The following JAM3 variants were observed in gnomAD, a reference collection of about 807,000 sequenced individuals.
The protein encoded by JAM3 is junctional adhesion molecule C.
In JAM3, 31 loss-of-function variants were observed where a neutral mutation model predicts 39.4. That is an observed-to-expected ratio of 0.79 (90% CI 0.59 to 1.06). JAM3 has a LOEUF of 1.06. Ranked by LOEUF, JAM3 falls within the 50% of genes least tolerant of loss-of-function variation. The pLI, the probability that JAM3 is intolerant of heterozygous loss-of-function variation, is 0.00. For synonymous variants in JAM3, 182 were observed against 148.7 expected (o/e 1.22, Z -1.63); for missense variants, 455 against 391.4 (o/e 1.16, Z -1.37).
chr11:134,096,762 A>C (rs780874464), intron 1 of JAM3, among the ~76,000 whole-genome samples: 4 of 152,194 alleles, frequency 2.6e-5, no homozygotes, highest in African/African-American at 7.2e-5. Flanking sequence ...TCAGTTAATG[A>C]GTAATGAACA....
chr11:134,069,124 G>T lies in JAM3; in HGVS notation c.41G>T (p.Arg14Leu). 4 of 1,612,770 alleles carry T rather than the reference G, an allele frequency of 2.5e-6. No individual in the cohort carries two copies. The Admixed American group carries it at 6.7e-5, about 27-fold the overall frequency. ...RRPPRLRLCA[R>L]LPDFFLLLLF... ...CCACCGCGACTCCGGCTCTGCGCTC[G>T]GCTGCCTGACTTCTTCCTGCTGCTG... is the stretch of plus-strand genomic sequence containing the variant. Residue 14 changes from arginine to leucine, a missense_variant, in exon 1 of 9, where the codon CGG becomes CTG. Physicochemically the swap from Arg to Leu is moderately radical, Grantham distance 102. Transcript: ENST00000299106.
intron 1 of JAM3, among the ~76,000 whole-genome samples, chr11:134,084,439 C>G (rs1290649622): frequency 1.3e-5 from 2 of 152,164 alleles, no homozygotes; most frequent in Non-Finnish European, 2.9e-5. Context: ...TTACAAAATA[C>G]TGACTATATA....
rs551156218 is a variant in JAM3 at position 134,135,412 on chromosome 11, T to A, written c.77-4439T>A. On this transcript the variant is annotated intron_variant, in intron 1 of 8. Transcript: ENST00000299106. ...TGCTGTGGGGGGACCCCACACTGTT[T>A]TGATCATCTAGCTTTGTAATAAGTT... is the stretch of plus-strand genomic sequence containing the variant. 2.2e-4 allele frequency among the ~76,000 whole-genome samples: 33 copies of A among 152,344 alleles called. No individual in the cohort carries two copies. In the South Asian group the frequency reaches 6.8e-3, roughly 32 times the overall value.
chr11:134,139,906 G>T lies in JAM3; in HGVS notation c.132G>T (p.Gln44His). Residue 44 changes from glutamine to histidine, a missense_variant, in exon 2 of 9, where the codon CAG becomes CAT. Physicochemically the swap from Gln to His is conservative, Grantham distance 24. Coordinates refer to ENST00000299106, the MANE Select transcript of JAM3 (RefSeq NM_032801.5). ...CCAGCAATCGAACCCCAGTGGTACA[G>T]GAATTTGAAAGTAAGTACAAACGAA... ...LKSSNRTPVV[Q>H]EFESVELSCI... is the part of the protein sequence containing the mutation. The T allele has an allele frequency of 6.2e-7, 1 of 1,613,578 alleles. No individual in the cohort carries two copies. Among genetic ancestry groups the T allele is most frequent in the Non-Finnish European group, 8.5e-7 (1 of 1,179,498 alleles).
rs1320707946 is a variant in JAM3 at position 134,144,349 on chromosome 11, ACCG to A, written c.367_369del (p.Arg123del). On this transcript the variant is annotated inframe_deletion, in exon 4 of 9. Coordinates refer to ENST00000299106, the MANE Select transcript of JAM3 (RefSeq NM_032801.5). Reference sequence around the variant, plus strand: ...CGCTGTGAGGTCGTTGCTCGAAATGACCGCAAGGAAATTGATGAGATTGTGATC... The same window carrying A: ...CGCTGTGAGGTCGTTGCTCGAAATGACAAGGAAATTGATGAGATTGTGATC... The A allele has an allele frequency of 6.2e-7, 1 of 1,614,236 alleles. No homozygotes were observed. The highest frequency in any genetic ancestry group is 1.7e-5 in the Admixed American group (1 of 60,020).
At chr11:134,100,034 G>T (rs1207290863) in intron 1 of JAM3, among the ~76,000 whole-genome samples, 1 of 152,090 alleles carries the variant, frequency 6.6e-6, no homozygotes, top group Admixed American at 6.6e-5. Flanking sequence ...TTTAATGTTA[G>T]ACCTCTCCTT....
intron 1 of JAM3, among the ~76,000 whole-genome samples, chr11:134,096,878 CCAAATCTAG>C (rs1474517988): frequency 2.0e-5 from 3 of 152,138 alleles, no homozygotes; most frequent in African/African-American, 7.2e-5. Context: ...TCATAATTCA[CCAAATCTAG>C]CAAATCTAGT....
At chr11:134,127,703 A>T (rs999069894) in intron 1 of JAM3, among the ~76,000 whole-genome samples, 10 of 152,218 alleles carry the variant, frequency 6.6e-5, no homozygotes, top group African/African-American at 2.4e-4. Context: ...CGATTTCAAA[A>T]CAAAATAAAA....
At chr11:134,148,142 C>A (rs1409417796) in intron 6 of JAM3, 1 of 249,272 alleles carries the variant, frequency 4.0e-6, no homozygotes, top group African/African-American at 2.3e-5. Context: ...TTCCCCGCAG[C>A]AATCTGCAAC....
At chr11:134,109,324 AAAAG>A (rs1246693103) in intron 1 of JAM3, among the ~76,000 whole-genome samples, 1 of 152,218 alleles carries the variant, frequency 6.6e-6, no homozygotes. Context: ...AGGGATGAAA[AAAAG>A]AACTTAAAAA....
chr11:134,146,446 G>A (rs1319679864), intron 6 of JAM3, among the ~76,000 whole-genome samples: 1 of 152,076 alleles, frequency 6.6e-6, no homozygotes. Context: ...TGCAGACAAA[G>A]CTTAGCCCCT....
intron 1 of JAM3, among the ~76,000 whole-genome samples, chr11:134,108,422 C>T (rs1942243699): frequency 6.6e-6 from 1 of 152,078 alleles, no homozygotes; most frequent in Non-Finnish European, 1.5e-5. Context: ...GAATTATTTC[C>T]CAAAGTATTC....
rs1565497155 is a variant in JAM3, at chr11:134,123,924, C to T, written c.77-15927C>T. The stretch of plus-strand genomic sequence containing the variant: ...CAGCTGTTTGGAATTGAAGGCCCCC[C>T]TTCTTTTTTGTGTTATAAACTGAAC... On this transcript the variant is annotated intron_variant, in intron 1 of 8. Coordinates refer to ENST00000299106, the MANE Select transcript of JAM3 (RefSeq NM_032801.5). 4 of 1,270,950 alleles carry T rather than the reference C, an allele frequency of 3.1e-6. 1 individual carries two copies. Among genetic ancestry groups the T allele is most frequent in the South Asian group, 1.2e-5 (1 of 84,154 alleles). The allele number at this position is 1,270,950 out of a possible 1,614,324, so 78.7% of individuals were successfully genotyped here.
intron 1 of JAM3, among the ~76,000 whole-genome samples, chr11:134,131,511 TCAA>T (rs147210381): frequency 0.019 from 2,946 of 151,830 alleles, 63 homozygotes; most frequent in African/African-American, 0.056. Context: ...AACAACAGCA[TCAA>T]CAACAACAAC....
At chr11:134,092,510 CCTG>C (rs1941885416) in intron 1 of JAM3, among the ~76,000 whole-genome samples, 1 of 145,668 alleles carries the variant, frequency 6.9e-6, no homozygotes, top group African/African-American at 2.6e-5. Context: ...GGAAGCTTCT[CCTG>C]AGCCCTCTTT....
At chr11:134,085,324 T>C (rs1370430506) in intron 1 of JAM3, among the ~76,000 whole-genome samples, 1 of 152,168 alleles carries the variant, frequency 6.6e-6, no homozygotes, top group Non-Finnish European at 1.5e-5. Context: ...AATTTTAAAA[T>C]TAACCATGCT....
At chr11:134,069,229 T>G (rs1941446758) in intron 1 of JAM3, 70 bp downstream of exon 1, 17 of 1,558,654 alleles carry the variant, frequency 1.1e-5, no homozygotes, top group Non-Finnish European at 1.5e-5. Context: ...GGGCCGAAGC[T>G]GCTGGAGCCG....
intron 1 of JAM3, among the ~76,000 whole-genome samples, chr11:134,113,731 A>T (rs919968861): frequency 8.5e-5 from 13 of 152,308 alleles, no homozygotes; most frequent in South Asian, 4.1e-4. Context: ...CTGGGTCAAA[A>T]GGTATTTCTA....
At chr11:134,075,510 G>A (rs553153541) in intron 1 of JAM3, among the ~76,000 whole-genome samples, 1 of 127,138 alleles carries the variant, frequency 7.9e-6, no homozygotes, top group African/African-American at 3.4e-5. Flanking sequence ...GTGAGCTTGG[G>A]CTTCTATGAC....
Sources: gnomAD v4.1 joint callset for allele counts (sites outside exome capture counted in the v4.1 genomes callset) on GRCh38, gnomAD v4.1.1 for gene constraint, MANE v1.5 for transcripts, NCBI Gene and HGNC (gene_info 2026-07-23, HGNC 2026-07-21) for gene names.